Variants in SAMMSON observed in about 807,000 individuals in gnomAD.
SAMMSON encodes the protein long intergenic non-protein coding RNA 1212.
intron 4 of SAMMSON, among the ~76,000 whole-genome samples, chr3:70,221,813 G>T (rs956751001): frequency 6.6e-6 from 1 of 151,988 alleles, no homozygotes; most frequent in Non-Finnish European, 1.5e-5. Flanking sequence ...GCCATTTACA[G>T]GACATTGCTA....
rs532448325 is a variant in SAMMSON at position 70,031,363 on chromosome 3, T to C, written n.417+17691T>C. ...AAATTCATAGACATGGAAAATAGGATAGAGATTACCAGGGTTTGGGGGAGA... is the reference window on the plus strand; with the variant it reads ...AAATTCATAGACATGGAAAATAGGACAGAGATTACCAGGGTTTGGGGGAGA... On this transcript the variant is annotated intron_variant and non_coding_transcript_variant, in intron 3 of 9. Coordinates refer to ENST00000642114, the Ensembl canonical transcript of SAMMSON. Among the ~76,000 whole-genome samples the C allele has an allele frequency of 4.6e-5, 7 of 152,010 alleles. 1 individual carries two copies. In the South Asian group the frequency reaches 1.5e-3, roughly 32 times the overall value.
intron 3 of SAMMSON, among the ~76,000 whole-genome samples, chr3:70,060,221 A>G (rs1232298608): frequency 2.0e-5 from 3 of 152,054 alleles, no homozygotes; most frequent in African/African-American, 7.2e-5. Context: ...GTTGCTGGGG[A>G]CGTGGCTATG....
intron 2 of SAMMSON, among the ~76,000 whole-genome samples, chr3:70,434,443 G>A (rs1185116543): frequency 6.6e-6 from 1 of 152,134 alleles, no homozygotes; most frequent in East Asian, 1.9e-4. Flanking sequence ...ATATAAGAAA[G>A]CAATTGATTT....
intron 7 of SAMMSON, among the ~76,000 whole-genome samples, chr3:70,300,201 T>A (rs1195971820): frequency 6.6e-6 from 1 of 152,134 alleles, no homozygotes; most frequent in Non-Finnish European, 1.5e-5. Flanking sequence ...GGGGCTATTG[T>A]ACCTCAAATA....
chr3:70,420,794 T>G (rs1175509967), intron 2 of SAMMSON, among the ~76,000 whole-genome samples: 4 of 152,174 alleles, frequency 2.6e-5, no homozygotes, highest in Non-Finnish European at 5.9e-5. Context: ...CCAATGTATT[T>G]GAGCTGAAAG....
At chr3:70,369,074 T>G (rs1469114665) in intron 9 of SAMMSON, among the ~76,000 whole-genome samples, 7 of 151,684 alleles carry the variant, frequency 4.6e-5, no homozygotes, top group Admixed American at 4.6e-4. Flanking sequence ...TTTGTTAGAT[T>G]TATACCTCAG....
At chr3:70,176,335 T>C (rs944226066) in intron 4 of SAMMSON, among the ~76,000 whole-genome samples, 6 of 152,136 alleles carry the variant, frequency 3.9e-5, no homozygotes, top group Non-Finnish European at 7.4e-5. Context: ...AAGCCTCTGT[T>C]ATACACAAGT....
intron 1 of SAMMSON, among the ~76,000 whole-genome samples, chr3:70,006,982 AT>A (rs1213207515): frequency 6.6e-6 from 1 of 151,802 alleles, no homozygotes; most frequent in Non-Finnish European, 1.5e-5. Flanking sequence ...TGAACTCATC[AT>A]TTTTTATGGC....
At chr3:70,186,119 A>G (rs988825683) in intron 4 of SAMMSON, among the ~76,000 whole-genome samples, 4 of 152,194 alleles carry the variant, frequency 2.6e-5, no homozygotes, top group Non-Finnish European at 5.9e-5. Flanking sequence ...TCCTTTCCTC[A>G]TCACAATGTA....
At chr3:70,341,730 A>G (rs1386413428) in intron 7 of SAMMSON, among the ~76,000 whole-genome samples, 1 of 152,200 alleles carries the variant, frequency 6.6e-6, no homozygotes, top group East Asian at 1.9e-4. Flanking sequence ...ATAAGCCAAC[A>G]GGATATTAGA....
At chr3:70,079,322 T>C (rs1375041885) in intron 4 of SAMMSON, among the ~76,000 whole-genome samples, 1 of 152,142 alleles carries the variant, frequency 6.6e-6, no homozygotes, top group Non-Finnish European at 1.5e-5. Context: ...TCAGCCATGG[T>C]GGGAGTATTT....
intron 7 of SAMMSON, among the ~76,000 whole-genome samples, chr3:70,343,146 A>G (rs147601351): frequency 1.8e-3 from 268 of 152,268 alleles, no homozygotes; most frequent in African/African-American, 6.1e-3. Context: ...AGAGTTCCCA[A>G]ATATCTCACA....
chr3:70,075,882 G>GTT (rs11456171), intron 4 of SAMMSON, among the ~76,000 whole-genome samples: 1,534 of 140,262 alleles, frequency 0.011, 11 homozygotes, highest in South Asian at 0.028. Context: ...TTCGATACCT[G>GTT]TTTTTTTTTT....
chr3:70,334,212 C>T (rs1702645840), intron 7 of SAMMSON, among the ~76,000 whole-genome samples: 2 of 152,068 alleles, frequency 1.3e-5, no homozygotes, highest in African/African-American at 4.8e-5. Context: ...TCTTTGTCAG[C>T]TTCATGATAA....
At chr3:70,214,660 G>A (rs1342142723) in intron 4 of SAMMSON, among the ~76,000 whole-genome samples, 7 of 146,446 alleles carry the variant, frequency 4.8e-5, no homozygotes, top group African/African-American at 1.3e-4. Context: ...TTTTCTGCCC[G>A]CCACTATACT....
At chr3:70,205,434 C>A (rs1701280440) in intron 4 of SAMMSON, 1 of 152,102 alleles carries the variant, frequency 6.6e-6, no homozygotes, top group Admixed American at 6.6e-5. Context: ...GTGCACAAGA[C>A]ACCACATACA....
At chr3:70,178,940 G>A (rs953815046) in intron 4 of SAMMSON, among the ~76,000 whole-genome samples, 2 of 152,144 alleles carry the variant, frequency 1.3e-5, no homozygotes, top group South Asian at 4.1e-4. Context: ...GGTCGAGGCT[G>A]CAGTGAGCCA....
chr3:70,431,539 C>T (rs974912084), intron 2 of SAMMSON, among the ~76,000 whole-genome samples: 2 of 151,970 alleles, frequency 1.3e-5, no homozygotes, highest in African/African-American at 4.8e-5. Flanking sequence ...AAGGATTACC[C>T]TCATTGTACA....
Position 70,428,695 on chromosome 3 carries a change from C to T in SAMMSON, n.234-33865C>T, listed in dbSNP as rs115390883. On this transcript the variant is annotated intron_variant and non_coding_transcript_variant, in intron 2 of 3. Coordinates refer to the SAMMSON transcript ENST00000641053. ...TCTAATTAGTGCAAATTATAAAGTC[C>T]TGGCATTGGAAATAGTTGTGGAGTG... Among the ~76,000 whole-genome samples the T allele has an allele frequency of 3.5e-3, 529 of 152,222 alleles. 6 individuals are homozygous for T. Among genetic ancestry groups the T allele is most frequent in the African/African-American group, 0.012 (506 of 41,548 alleles).
Sources: allele counts gnomAD v4.1 joint callset (sites outside exome capture counted in the v4.1 genomes callset), GRCh38; gene constraint gnomAD v4.1.1; transcripts MANE v1.5; gene names NCBI Gene and HGNC (gene_info 2026-07-23, HGNC 2026-07-21).